The following FILIP1 variants were observed in gnomAD, a reference collection of about 807,000 sequenced individuals.
FILIP1 encodes the protein filamin A interacting protein 1.
In FILIP1, 61 loss-of-function variants were observed where a neutral mutation model predicts 102.1. The ratio of observed to expected loss-of-function variants is 0.60; its 90% confidence interval spans 0.49 to 0.74. FILIP1 has a LOEUF of 0.74. FILIP1 is among the 30% of genes least tolerant of loss of function. FILIP1 has a pLI of 0.00. For synonymous variants in FILIP1, 491 were observed against 526.9 expected (o/e 0.93, Z 0.93); for missense variants, 1,314 against 1,441.2 (o/e 0.91, Z 1.43).
chr6:75,369,872 T>G (rs965415449), intron 2 of FILIP1, among the ~76,000 whole-genome samples: 3 of 152,232 alleles, frequency 2.0e-5, no homozygotes, highest in African/African-American at 7.2e-5. Context: ...GGACAGACTC[T>G]TAGACGATGT....
chr6:75,450,938 A>T (rs113807630), intron 1 of FILIP1, among the ~76,000 whole-genome samples: 2,734 of 152,230 alleles, frequency 0.018, 35 homozygotes, highest in South Asian at 0.068. Flanking sequence ...CTGAGCAACA[A>T]GAGCGAAACT....
At chr6:75,319,338 TACTC>T in intron 4 of FILIP1, 1 of 640,914 alleles carries the variant, frequency 1.6e-6, no homozygotes. Flanking sequence ...TTTTGGGCGA[TACTC>T]AGAGCAGAAC....
intron 2 of FILIP1, chr6:75,398,011 T>C (rs1419913815): frequency 6.6e-6 from 1 of 152,188 alleles, no homozygotes; most frequent in Non-Finnish European, 1.5e-5. Flanking sequence ...GCAAGGTCCA[T>C]AGACGTCCTT....
At chr6:75,384,013 T>A (rs1257589651) in intron 2 of FILIP1, among the ~76,000 whole-genome samples, 3 of 152,234 alleles carry the variant, frequency 2.0e-5, no homozygotes, top group African/African-American at 7.2e-5. Context: ...GAGAATTAAA[T>A]TTCGTTGCCA....
chr6:75,393,237 G>A (rs186061951), intron 2 of FILIP1, among the ~76,000 whole-genome samples: 42 of 152,180 alleles, frequency 2.8e-4, no homozygotes, highest in Admixed American at 1.3e-4. Flanking sequence ...AGTACATAGA[G>A]ATGGAATTTT....
chr6:75,475,480 T>C (rs971598499), intron 1 of FILIP1, among the ~76,000 whole-genome samples: 2 of 152,214 alleles, frequency 1.3e-5, no homozygotes, highest in Non-Finnish European at 2.9e-5. Flanking sequence ...CAGCACAGCA[T>C]CTTATTATAT....
rs187637537 is a variant in FILIP1 at position 75,414,086 on chromosome 6, C to T, written c.276+611G>A. 2.9e-3 allele frequency among the ~76,000 whole-genome samples: 434 copies of T among 148,430 alleles called. 1 individual carries two copies. The highest frequency in any genetic ancestry group is 0.01 in the African/African-American group (413 of 40,126). ...TACCCACATTTTTATTGTGATCATA[C>T]GAGATAGTGGATGTGAAAATGCTTA... On this transcript the variant is annotated intron_variant, in intron 2 of 5. Transcript: ENST00000237172.
At chr6:75,388,136 G>A (rs952997452) in intron 2 of FILIP1, among the ~76,000 whole-genome samples, 4 of 152,152 alleles carry the variant, frequency 2.6e-5, no homozygotes, top group South Asian at 4.1e-4. Context: ...TTATTAAATA[G>A]GAAATCCTTT....
At chr6:75,332,006 ACCAGGAAGAGGAC>A (rs1229685739) in intron 4 of FILIP1, among the ~76,000 whole-genome samples, 2 of 152,150 alleles carry the variant, frequency 1.3e-5, no homozygotes, top group African/African-American at 2.4e-5. Context: ...GAAGTCTGCA[ACCAGGAAGAGGAC>A]CCACACCAGA....
intron 2 of FILIP1, among the ~76,000 whole-genome samples, chr6:75,368,950 A>G (rs1775429039): frequency 6.6e-6 from 1 of 152,164 alleles, no homozygotes; most frequent in African/African-American, 2.4e-5. Context: ...GCAGGCCAGG[A>G]ACTGTGTTTT....
At chr6:75,425,347 A>G (rs1196091735) in intron 1 of FILIP1, among the ~76,000 whole-genome samples, 2 of 152,184 alleles carry the variant, frequency 1.3e-5, no homozygotes, top group African/African-American at 2.4e-5. Context: ...TGCGCTAGAA[A>G]TTTCTTTTAT....
intron 2 of FILIP1, among the ~76,000 whole-genome samples, chr6:75,401,351 G>A: frequency 6.6e-6 from 1 of 151,890 alleles, no homozygotes; most frequent in Non-Finnish European, 1.5e-5. Context: ...TTTCTTCTTT[G>A]GCCAGGTCTT....
chr6:75,442,247 A>G (rs113443700), intron 1 of FILIP1, among the ~76,000 whole-genome samples: 12 of 149,334 alleles, frequency 8.0e-5, no homozygotes, highest in Middle Eastern at 3.5e-3. Context: ...GTGGCCGGGC[A>G]GAGACGCTCC....
At chr6:75,293,563 ACT>A (rs755950840) in exon 7 of FILIP1, 5 of 152,150 alleles carry the variant, frequency 3.3e-5, no homozygotes, top group South Asian at 4.1e-4. Context: ...TATCTAAATG[ACT>A]CTGATTGCAC....
Position 75,315,134 on chromosome 6 carries a change from A to G in FILIP1, c.698T>C (p.Leu233Pro), listed in dbSNP as rs1164896642. Residue 233 changes from leucine (L) to proline (P), a missense_variant, in exon 5 of 6, where the codon CTC (leucine) becomes CCC (proline). Coordinates refer to ENST00000237172, the MANE Select transcript of FILIP1 (RefSeq NM_015687.5). ...ARKEKENAKR[L>P]NKLRDELVKL... ...AACAAGCTCATCTCTTAGTTTATTG[A>G]GTCGTTTAGCATTTTCCTTTTCTTT... is the stretch of plus-strand genomic sequence containing the variant. 3.7e-6 allele frequency: 6 copies of G among 1,606,766 alleles called. No individual in the cohort carries two copies. In the Admixed American group the frequency reaches 8.6e-5, roughly 23 times the overall value.
At chr6:75,469,649 T>C (rs925160368) in intron 1 of FILIP1, among the ~76,000 whole-genome samples, 2 of 152,104 alleles carry the variant, frequency 1.3e-5, no homozygotes, top group African/African-American at 2.4e-5. Flanking sequence ...CTCACATAGA[T>C]GCAAATTGCT....
At chr6:75,491,289 C>A (rs1295365466) in intron 1 of FILIP1, among the ~76,000 whole-genome samples, 1 of 151,970 alleles carries the variant, frequency 6.6e-6, no homozygotes, top group African/African-American at 2.4e-5. Flanking sequence ...TGGAGAATGG[C>A]CCATAATCTG....
At chr6:75,416,298 T>C (rs1458960047) in intron 1 of FILIP1, among the ~76,000 whole-genome samples, 2 of 152,158 alleles carry the variant, frequency 1.3e-5, no homozygotes, top group Non-Finnish European at 2.9e-5. Flanking sequence ...AATGCTGTTT[T>C]TTTAAAAATT....
chr6:75,371,872 G>A (rs1227508258), intron 2 of FILIP1, among the ~76,000 whole-genome samples: 1 of 152,140 alleles, frequency 6.6e-6, no homozygotes, highest in East Asian at 1.9e-4. Flanking sequence ...AAATAGCACA[G>A]GAGAAAAGTT....
Sources: gnomAD v4.1 joint callset for allele counts (sites outside exome capture counted in the v4.1 genomes callset) on GRCh38, gnomAD v4.1.1 for gene constraint, MANE v1.5 for transcripts, NCBI Gene and HGNC (gene_info 2026-07-23, HGNC 2026-07-21) for gene names.